The following RAI1 variants were observed in gnomAD, a reference collection of about 807,000 sequenced individuals.
RAI1 encodes the protein retinoic acid-induced protein 1.
A neutral mutation model predicts 123.8 loss-of-function variants in RAI1; 9 were observed. That is an observed-to-expected ratio of 0.07 (90% confidence interval 0.04 to 0.13). The LOEUF (loss-of-function observed/expected upper bound fraction) is 0.13, where lower values mean the gene tolerates loss of function less well. RAI1 is among the 10% of genes least tolerant of loss of function. The probability of loss-of-function intolerance (pLI) is 1.00; values close to 1 mark genes in which losing one functional copy is unlikely to be tolerated. For synonymous variants in RAI1, 1,231 were observed against 1,127.3 expected (o/e 1.09, Z -1.84); for missense variants, 2,256 against 2,545.8 (o/e 0.89, Z 2.45).
intron 1 of RAI1, chr17:17,684,791 C>T (rs1355953204): frequency 4.6e-5 from 7 of 151,348 alleles, no homozygotes; most frequent in East Asian, 2.0e-4. Context: ...GGCTCTTCCT[C>T]GGCAGCTTCC....
At chr17:17,700,869 C>T (rs1184538214) in intron 1 of RAI1, among the ~76,000 whole-genome samples, 1 of 152,236 alleles carries the variant, frequency 6.6e-6, no homozygotes, top group Non-Finnish European at 1.5e-5. Flanking sequence ...CCCTTCGGGA[C>T]CGCTGCTGCC....
chr17:17,799,456 C>T lies in RAI1; in HGVS notation c.5565+943C>T, dbSNP rs1050679213. On this transcript the variant is annotated intron_variant, in intron 3 of 5. Transcript: ENST00000353383. The surrounding 1 kb of genome is among the most constrained non-coding windows in gnomAD (Gnocchi z 4.5). ...GGGTCAGTGGGGGCGGTGGGGTGCA[C>T]CTCTCCCCCGGGGCCATGCTTCTGC... Among the ~76,000 whole-genome samples, 4 of 152,082 alleles carry T rather than the reference C, an allele frequency of 2.6e-5. No individual in the cohort carries two copies. The highest frequency in any genetic ancestry group is 2.1e-4 in the South Asian group (1 of 4,822).
At chr17:17,700,123 C>G (rs1347043116) in intron 1 of RAI1, among the ~76,000 whole-genome samples, 1 of 152,234 alleles carries the variant, frequency 6.6e-6, no homozygotes, top group Non-Finnish European at 1.5e-5. Flanking sequence ...AGGCTGAGAC[C>G]GGGGCTGTGT....
rs2032256234 is a variant in RAI1, at chr17:17,796,521, C to T, written c.3573C>T (p.Ser1191=). 6.2e-7 allele frequency: 1 copy of T among 1,610,994 alleles called. No homozygotes were observed. The highest frequency in any genetic ancestry group is 8.5e-7 in the Non-Finnish European group (1 of 1,179,890). The stretch of plus-strand genomic sequence containing the variant: ...TGCCCGCCACATTCAAGGTCTCCAG[C>T]AGCCCCCAGAAGGAGGGCAGGGTGA... ...SHLPATFKVS[S]SPQKEGRVSQ... is the part of the protein sequence containing the mutation. The change falls in exon 3 of 6, where the codon AGC becomes AGT. Residue 1191 remains serine (S), a synonymous_variant. Coordinates refer to ENST00000353383, the MANE Select transcript of RAI1 (RefSeq NM_030665.4). The surrounding 1 kb of genome is among the most constrained non-coding windows in gnomAD (Gnocchi z 5.8).
rs2032312918 is a variant in RAI1 at position 17,797,648 on chromosome 17, C to T, written c.4700C>T (p.Pro1567Leu). 2.5e-6 allele frequency: 4 copies of T among 1,613,882 alleles called. No homozygotes were observed. The highest frequency in any genetic ancestry group is 3.4e-6 in the Non-Finnish European group (4 of 1,180,020). The change falls in exon 3 of 6, where the codon CCC becomes CTC. Residue 1567 changes from proline to leucine, a missense_variant. Pro to Leu is a moderately conservative substitution (Grantham distance 98, BLOSUM62 -3). This residue lies in a region of RAI1 where 410 missense variants were observed against 374.6 expected (regional missense o/e 1.09). Coordinates refer to ENST00000353383, the MANE Select transcript of RAI1 (RefSeq NM_030665.4). ...AKRRRQQQVL[P>L]LDPAEPEIRL... ...CGACGACGACAGCAGCAGGTGCTGC[C>T]CCTGGATCCCGCAGAGCCTGAAATC...
chr17:17,685,789 C>T lies in RAI1; in HGVS notation c.-149+3996C>T, dbSNP rs1598009958. Among the ~76,000 whole-genome samples, 1 of 152,184 alleles carries T rather than the reference C, an allele frequency of 6.6e-6. No homozygotes were observed. Among genetic ancestry groups the T allele is most frequent in the Non-Finnish European group, 1.5e-5 (1 of 68,034 alleles). The stretch of plus-strand genomic sequence containing the variant: ...GCTGTCCAGGGCCATTTCTGGTGTC[C>T]TCTGCCTGCCCTGTCCTCATTCAGT... On this transcript the variant is annotated intron_variant, in intron 1 of 5. Transcript: ENST00000353383. The surrounding 1 kb of genome is among the most constrained non-coding windows in gnomAD (Gnocchi z 4.0).
chr17:17,806,795 A>G (rs1298147155), intron 4 of RAI1, among the ~76,000 whole-genome samples: 2 of 152,160 alleles, frequency 1.3e-5, no homozygotes, highest in Non-Finnish European at 2.9e-5. Context: ...TAGGTCCTGG[A>G]CTTTACCACG....
At chr17:17,763,396 G>T (rs1194039789) in intron 2 of RAI1, among the ~76,000 whole-genome samples, 1 of 152,222 alleles carries the variant, frequency 6.6e-6, no homozygotes, top group African/African-American at 2.4e-5. Flanking sequence ...TTCCTTGCTT[G>T]TTCCTATGGG....
intron 1 of RAI1, among the ~76,000 whole-genome samples, chr17:17,696,229 C>T (rs984523545): frequency 3.3e-5 from 5 of 152,108 alleles, no homozygotes; most frequent in Admixed American, 2.0e-4. Context: ...GATACATCTA[C>T]GGAGTCATGC....
At chr17:17,704,396 G>A (rs1271007354) in intron 1 of RAI1, among the ~76,000 whole-genome samples, 1 of 152,218 alleles carries the variant, frequency 6.6e-6, no homozygotes, top group African/African-American at 2.4e-5. Context: ...ACATGGCAGT[G>A]TGAGGGGGCT....
chr17:17,794,764 G>A lies in RAI1; in HGVS notation c.1816G>A (p.Asp606Asn), dbSNP rs945917095. Reference sequence around the variant, plus strand: ...GCTGCTCAGCGCCCTGGCACAGGAGGACCTGGCCTCCGAGATCCTGGGGCT... The same window carrying A: ...GCTGCTCAGCGCCCTGGCACAGGAGAACCTGGCCTCCGAGATCCTGGGGCT... ...RLLLSALAQE[D>N]LASEILGLQE... Residue 606 changes from aspartate (D) to asparagine (N), a missense_variant, in exon 3 of 6, where the codon GAC becomes AAC. This residue lies in a region of RAI1 where 357 missense variants were observed against 480.2 expected (regional missense o/e 0.74). Coordinates refer to ENST00000353383, the MANE Select transcript of RAI1 (RefSeq NM_030665.4). The A allele has an allele frequency of 1.9e-6, 3 of 1,612,880 alleles. No homozygotes were observed. Among genetic ancestry groups the A allele is most frequent in the Non-Finnish European group, 2.5e-6 (3 of 1,180,020 alleles).
rs1182317993 is a variant in RAI1, at chr17:17,793,263, C to T, written c.315C>T (p.Ser105=). 2.5e-6 allele frequency: 4 copies of T among 1,611,938 alleles called. No individual in the cohort carries two copies. In the South Asian group the frequency reaches 3.3e-5, roughly 13 times the overall value. Residue 105 remains serine, a synonymous_variant, in exon 3 of 6, where the codon AGC becomes AGT. Coordinates refer to ENST00000353383, the MANE Select transcript of RAI1 (RefSeq NM_030665.4). ...TCCCTGGCTACGGCGTCCAGGACAGCAGCCCCTACCCAGGCCGCTATGCTG... is the reference window on the plus strand; with the variant it reads ...TCCCTGGCTACGGCGTCCAGGACAGTAGCCCCTACCCAGGCCGCTATGCTG... The part of the protein sequence containing the change: ...PAFPGYGVQD[S]SPYPGRYAGE...
intron 1 of RAI1, among the ~76,000 whole-genome samples, chr17:17,692,646 T>C (rs543263572): frequency 6.6e-6 from 1 of 152,320 alleles, no homozygotes; most frequent in South Asian, 2.1e-4. Flanking sequence ...TGAAATAATA[T>C]TGTGACCTTG....
intron 1 of RAI1, among the ~76,000 whole-genome samples, chr17:17,702,011 G>GA: frequency 6.6e-6 from 1 of 152,258 alleles, no homozygotes; most frequent in Non-Finnish European, 1.5e-5. Context: ...AGGAAGCAGA[G>GA]AACAGTCTTT....
chr17:17,771,522 A>T (rs1433715487), intron 2 of RAI1, among the ~76,000 whole-genome samples: 1 of 152,208 alleles, frequency 6.6e-6, no homozygotes, highest in Admixed American at 6.5e-5. Context: ...CCTGGGGTGC[A>T]TCCAGTCCAT....
At chr17:17,760,034 A>C (rs774674148) in intron 2 of RAI1, among the ~76,000 whole-genome samples, 17 of 152,206 alleles carry the variant, frequency 1.1e-4, no homozygotes, top group Non-Finnish European at 2.5e-4. Flanking sequence ...ATAACTGTCC[A>C]TTCACTCATC....
rs150900749 is a variant in RAI1 at position 17,797,944 on chromosome 17, C to T, written c.4996C>T (p.Leu1666Phe). ...CCTGCAGCCGCGGCCCTCCTTGCCC[C>T]TCTCCTCCACGATGCACTTGGGGCC... The part of the protein sequence containing the change: ...SILQPRPSLP[L>F]SSTMHLGPVV... The change falls in exon 3 of 6, where the codon CTC becomes TTC. Residue 1666 changes from leucine (L) to phenylalanine (F), a missense_variant. Transcript: ENST00000353383. The T allele has an allele frequency of 1.2e-6, 2 of 1,614,076 alleles. No individual in the cohort carries two copies.
In RAI1 at chr17:17,795,616, C is replaced by G; in HGVS notation, c.2668C>G (p.Pro890Ala). ...CGAGCAGAGGCCTGGCATGCAGGAC[C>G]CGCTGTCACCCAAGGCCCCACTCAT... ...SPEQRPGMQD[P>A]LSPKAPLICT... Residue 890 changes from proline (P) to alanine (A), a missense_variant, in exon 3 of 6, where the codon CCG becomes GCG. By Grantham distance (27) the Pro-to-Ala change is conservative. Coordinates refer to ENST00000353383, the MANE Select transcript of RAI1 (RefSeq NM_030665.4). The surrounding 1 kb of genome is among the most constrained non-coding windows in gnomAD (Gnocchi z 5.9). 1 of 1,613,220 alleles carries G rather than the reference C, an allele frequency of 6.2e-7. No homozygotes were observed.
Position 17,810,956 on chromosome 17 carries a change from T to A in RAI1, c.*975T>A. Reference sequence around the variant, plus strand: ...GTATATATGTTGGGAACATGCTCGCTTCTCCCGTGTGTCGCCGCCGTGCGT... The same window carrying A: ...GTATATATGTTGGGAACATGCTCGCATCTCCCGTGTGTCGCCGCCGTGCGT... On this transcript the variant is annotated 3_prime_UTR_variant, in exon 6 of 6. Transcript: ENST00000353383. This position sits in a 1 kb window ranked among gnomAD's most constrained non-coding sequence, Gnocchi z 4.6. 1 of 325,062 alleles carries A rather than the reference T, an allele frequency of 3.1e-6. No homozygotes were observed. Among genetic ancestry groups the A allele is most frequent in the South Asian group, 2.1e-5 (1 of 46,890 alleles). The allele number at this position is 325,062 out of a possible 1,614,324, so 20.1% of individuals were successfully genotyped here.
Sources: allele counts gnomAD v4.1 joint callset (sites outside exome capture counted in the v4.1 genomes callset), GRCh38; gene constraint gnomAD v4.1.1; regional missense constraint gnomAD v4.1.1; non-coding constraint Gnocchi (gnomAD v3.1); transcripts MANE v1.5; gene names NCBI Gene and HGNC (gene_info 2026-07-23, HGNC 2026-07-21).